APC: variants seen among roughly 807,000 people sequenced by gnomAD.
APC encodes the protein APC regulator of Wnt signaling pathway, also known as adenomatous polyposis coli protein.
A neutral mutation model predicts 247.0 loss-of-function variants in APC; 72 were observed. The ratio of observed to expected loss-of-function variants is 0.29; its 90% CI spans 0.24 to 0.35. APC has a LOEUF of 0.35. APC is among the 10% of genes least tolerant of loss of function. The probability of loss-of-function intolerance (pLI) is 1.00; values close to 1 mark genes in which losing one functional copy is unlikely to be tolerated. For missense variants in APC, 3,400 were observed against 3,360.7 expected (o/e 1.01, Z -0.29); for synonymous variants, 1,254 against 1,162.5 (o/e 1.08, Z -1.60).
chr5:112,781,870 C>T (rs935910193), intron 6 of APC, among the ~76,000 whole-genome samples: 2 of 151,984 alleles, frequency 1.3e-5, no homozygotes, highest in African/African-American at 2.4e-5. Context: ...GCTCCTGCCT[C>T]AGCCACCTGA....
At chr5:112,791,256 G>A (rs1461417600) in intron 6 of APC, among the ~76,000 whole-genome samples, 1 of 152,102 alleles carries the variant, frequency 6.6e-6, no homozygotes, top group African/African-American at 2.4e-5. Flanking sequence ...TCTCCATATA[G>A]TGGAAAAGCA....
At chr5:112,754,211 A>G (rs1203536489) in intron 1 of APC, among the ~76,000 whole-genome samples, 1 of 152,158 alleles carries the variant, frequency 6.6e-6, no homozygotes, top group African/African-American at 2.4e-5. Flanking sequence ...ATTATAGTCA[A>G]CCTTTTGAAT....
At position 112,822,008 on chromosome 5, in the gene APC, T is replaced by A; in HGVS notation, c.1408+17T>A. On this transcript the variant is annotated intron_variant, in intron 11 of 15. Coordinates refer to ENST00000257430, the MANE Select transcript of APC (RefSeq NM_000038.6). ...ATGAACTAGGTAAGACAAAAATGTT[T>A]TTTAATGACATAGACAATTACTGGT... 1 of 1,518,762 alleles carries A rather than the reference T, an allele frequency of 6.6e-7. No individual in the cohort carries two copies. Among genetic ancestry groups the A allele is most frequent in the Non-Finnish European group, 9.1e-7 (1 of 1,095,352 alleles). The allele number at this position is 1,518,762 out of a possible 1,614,324, so 94.1% of individuals were successfully genotyped here. A position where few individuals can be genotyped will look rare whatever the true frequency, so the allele number is the denominator to read the frequency against.
intron 5 of APC, chr5:112,777,778 A>G: frequency 3.9e-6 from 1 of 256,230 alleles, no homozygotes; most frequent in East Asian, 1.1e-4. Context: ...TTCATGAGAA[A>G]CAGCAGTTCT....
intron 1 of APC, among the ~76,000 whole-genome samples, chr5:112,752,949 T>G (rs1754544591): frequency 6.6e-6 from 1 of 152,210 alleles, no homozygotes; most frequent in Non-Finnish European, 1.5e-5. Flanking sequence ...TTTAGCAGTC[T>G]CTGCTCATCT....
intron 15 of APC, among the ~76,000 whole-genome samples, chr5:112,836,177 C>CCCA (rs1561571701): frequency 2.3e-5 from 2 of 88,148 alleles, no homozygotes; most frequent in East Asian, 1.2e-3. Context: ...CCCCCCCCCC[C>CCCA]CCGCCACCGT....
chr5:112,765,377 G>A (rs1049902461), intron 2 of APC, among the ~76,000 whole-genome samples: 1 of 152,150 alleles, frequency 6.6e-6, no homozygotes, highest in African/African-American at 2.4e-5. Flanking sequence ...GCCTCCCAAA[G>A]CGTTGAGGTT....
chr5:112,810,340 G>C, intron 8 of APC: 1 of 214,812 alleles, frequency 4.7e-6, no homozygotes, highest in South Asian at 6.0e-5. Context: ...TTAGCAAGAA[G>C]TTGAGGAAAT....
intron 8 of APC, among the ~76,000 whole-genome samples, chr5:112,809,038 A>T (rs989144193): frequency 6.6e-6 from 1 of 152,170 alleles, no homozygotes; most frequent in South Asian, 2.1e-4. Context: ...AACTTTAAAG[A>T]TGTTAGGTCT....
chr5:112,726,740 A>T (rs1373418987), intron 1 of APC, among the ~76,000 whole-genome samples: 1 of 152,128 alleles, frequency 6.6e-6, no homozygotes, highest in Admixed American at 6.5e-5. Flanking sequence ...AATGAAATTT[A>T]TTCCAATTCT....
At chr5:112,802,544 T>C (rs1191817080) in intron 8 of APC, among the ~76,000 whole-genome samples, 1 of 152,184 alleles carries the variant, frequency 6.6e-6, no homozygotes, top group African/African-American at 2.4e-5. Context: ...TTATGTACTT[T>C]GGAAACCTTA....
chr5:112,808,047 C>T (rs1761598652), intron 8 of APC, among the ~76,000 whole-genome samples: 2 of 151,848 alleles, frequency 1.3e-5, no homozygotes, highest in South Asian at 2.1e-4. Flanking sequence ...CCCAGCTACT[C>T]GGGAAGCTGA....
At chr5:112,727,223 C>G (rs532420635) in intron 1 of APC, among the ~76,000 whole-genome samples, 1 of 151,848 alleles carries the variant, frequency 6.6e-6, no homozygotes, top group African/African-American at 2.4e-5. Flanking sequence ...AGTTGGGACC[C>G]TTGCAAACAC....
At chr5:112,797,171 A>G (rs367759269) in intron 7 of APC, among the ~76,000 whole-genome samples, 35 of 152,302 alleles carry the variant, frequency 2.3e-4, no homozygotes, top group African/African-American at 7.0e-4. Flanking sequence ...TGTTATGATA[A>G]TAGTTACATC....
In APC at chr5:112,707,831, G is replaced by C. The variant is rs761467156; in HGVS notation, c.114G>C (p.Thr38=). 7.3e-7 allele frequency: 1 copy of C among 1,370,544 alleles called. No individual in the cohort carries two copies. The highest frequency in any genetic ancestry group is 9.6e-7 in the Non-Finnish European group (1 of 1,038,748). 84.9% of individuals were successfully genotyped at this position (1,370,544 alleles called of 1,614,324 possible). A position where few individuals can be genotyped will look rare whatever the true frequency, so the allele number is the denominator to read the frequency against. Residue 38 remains threonine (T), a synonymous_variant, in exon 1 of 14, where the codon ACG becomes ACC. Transcript: ENST00000507379. Reference sequence around the variant, plus strand: ...GCAGGAGCTGCGTCCGGCAGGAGACGAAGAGCCCGGGCGGCGCTCGTACTT... The same window carrying C: ...GCAGGAGCTGCGTCCGGCAGGAGACCAAGAGCCCGGGCGGCGCTCGTACTT...
At chr5:112,789,231 GAAAT>G (rs1301240402) in intron 6 of APC, among the ~76,000 whole-genome samples, 1 of 152,190 alleles carries the variant, frequency 6.6e-6, no homozygotes, top group Non-Finnish European at 1.5e-5. Context: ...AAAAAGGAAA[GAAAT>G]ACTTAGTGGT....
upstream of APC, among the ~76,000 whole-genome samples, chr5:112,733,243 T>C (rs1306713849): frequency 6.6e-6 from 1 of 152,220 alleles, no homozygotes; most frequent in Non-Finnish European, 1.5e-5. Flanking sequence ...GAATAATGGC[T>C]CCCTACAAAT....
In APC at chr5:112,840,119, C is replaced by G. The variant is rs572839648; in HGVS notation, c.4525C>G (p.Leu1509Val). ...GFSCSSSLSA[L>V]SLDEPFIQKD... ...TTCTTGTTCATCCAGCCTGAGTGCT[C>G]TGAGCCTCGATGAGCCATTTATACA... The change falls in exon 16 of 16, where the codon CTG becomes GTG. Residue 1509 changes from leucine (L) to valine (V), a missense_variant. Coordinates refer to ENST00000257430, the MANE Select transcript of APC (RefSeq NM_000038.6). This position sits in a 1 kb window ranked among gnomAD's most constrained non-coding sequence, Gnocchi z 4.1. 2 of 1,614,060 alleles carry G rather than the reference C, an allele frequency of 1.2e-6. No individual in the cohort carries two copies. The highest frequency in any genetic ancestry group is 1.7e-6 in the Non-Finnish European group (2 of 1,180,004).
chr5:112,749,479 ATTTTTTT>A (rs536428390), intron 1 of APC, among the ~76,000 whole-genome samples: 6 of 104,066 alleles, frequency 5.8e-5, no homozygotes, highest in Admixed American at 1.2e-4. Context: ...TACTGCTCCA[ATTTTTTT>A]TTTTTTTTTT....
Sources: gnomAD v4.1 joint callset for allele counts (sites outside exome capture counted in the v4.1 genomes callset) on GRCh38, gnomAD v4.1.1 for gene constraint, Gnocchi (gnomAD v3.1) non-coding constraint, MANE v1.5 for transcripts, NCBI Gene and HGNC (gene_info 2026-07-23, HGNC 2026-07-21) for gene names.